Variants in OR51I2 observed in about 807,000 individuals in gnomAD.
OR51I2 encodes olfactory receptor family 51 subfamily I member 2.
Under a neutral mutation model 9.3 loss-of-function variants are expected in OR51I2, and 6 were observed. The ratio of observed to expected loss-of-function variants is 0.64; its 90% confidence interval spans 0.35 to 1.27. The LOEUF is 1.27. OR51I2 is among the 50% of genes most tolerant of loss of function. OR51I2 has a pLI of 0.03. For synonymous variants in OR51I2, 179 were observed against 143.1 expected (o/e 1.25, Z -1.79); for missense variants, 489 against 396.4 (o/e 1.23, Z -1.98).
chr11:5,455,789 G>T lies in OR51I2; in HGVS notation c.*1362G>T, dbSNP rs1850949451. 1 of 152,110 alleles carries T rather than the reference G, an allele frequency of 6.6e-6. No homozygotes were observed. Among genetic ancestry groups the T allele is most frequent in the African/African-American group, 2.4e-5 (1 of 41,420 alleles). The allele number at this position is 152,110 out of a possible 1,614,324, so 9.4% of individuals were successfully genotyped here. ...AAAGAGGGAGCTATTTTAAAAATGA[G>T]ATAATGTAAGTACTTGGGATTCAGA... On this transcript the variant is annotated 3_prime_UTR_variant, in exon 2 of 2. Transcript: ENST00000641930.
At chr11:5,451,545 G>T (rs1436609029) in intron 1 of OR51I2, among the ~76,000 whole-genome samples, 1 of 152,188 alleles carries the variant, frequency 6.6e-6, no homozygotes, top group Non-Finnish European at 1.5e-5. Context: ...GTACAACACG[G>T]AGGGACAGCC....
intron 1 of OR51I2, among the ~76,000 whole-genome samples, chr11:5,450,413 TAATG>T (rs889294842): frequency 5.9e-5 from 9 of 151,342 alleles, no homozygotes; most frequent in Non-Finnish European, 1.2e-4. Context: ...ATTAATTAAT[TAATG>T]AATAAAAATA....
At chr11:5,449,563 T>G (rs1255345824) in intron 1 of OR51I2, among the ~76,000 whole-genome samples, 199 bp downstream of exon 1, 1 of 152,222 alleles carries the variant, frequency 6.6e-6, no homozygotes, top group Non-Finnish European at 1.5e-5. Flanking sequence ...GGCACTGCCA[T>G]GTACTGATTG....
intron 1 of OR51I2, among the ~76,000 whole-genome samples, chr11:5,451,335 C>T (rs74049536): frequency 0.012 from 1,813 of 152,346 alleles, 40 homozygotes; most frequent in African/African-American, 0.041. Flanking sequence ...TCTCCCTTCT[C>T]TTTCTGTTAC....
rs1270331030 is a variant in OR51I2, at chr11:5,454,163, C to T, written c.675C>T (p.Val225=). 6.2e-7 allele frequency: 1 copy of T among 1,614,068 alleles called. No individual in the cohort carries two copies. Among genetic ancestry groups the T allele is most frequent in the East Asian group, 2.2e-5 (1 of 44,880 alleles). ...FLSYVLILRS[V]MATASREERL... ...CCTATGTGCTCATTCTGCGTTCTGT[C>T]ATGGCCACTGCTTCCCGTGAGGAAC... is the stretch of plus-strand genomic sequence containing the variant. Residue 225 remains valine, a synonymous_variant, in exon 2 of 2, where the codon GTC becomes GTT. Coordinates refer to ENST00000641930, the MANE Select transcript of OR51I2 (RefSeq NM_001004754.3).
In OR51I2 at chr11:5,454,384, T is replaced by C. The variant is rs1590004975; in HGVS notation, c.896T>C (p.Ile299Thr). 6.2e-7 allele frequency: 1 copy of C among 1,611,318 alleles called. No individual in the cohort carries two copies. ...ATTTATAGCGCCAAGACAAAGGAAA[T>C]CCGCCGAGCCATTTTCCGCATGTTT... ...PLIYSAKTKE[I>T]RRAIFRMFHH... is the part of the protein sequence containing the mutation. Residue 299 changes from isoleucine (I) to threonine (T), a missense_variant, in exon 2 of 2, where the codon ATC becomes ACC. Physicochemically the swap from Ile to Thr is moderately conservative, Grantham distance 89. Transcript: ENST00000641930.
chr11:5,453,648 A>G lies in OR51I2; in HGVS notation c.160A>G (p.Ser54Gly), dbSNP rs144341122. 8.2e-5 allele frequency: 132 copies of G among 1,613,516 alleles called. No homozygotes were observed. The African/African-American group carries it at 1.5e-3, about 18-fold the overall frequency. The change falls in exon 2 of 2, where the codon AGC (serine) becomes GGC (glycine). Residue 54 changes from serine to glycine, a missense_variant. By Grantham distance (56) the Ser-to-Gly change is moderately conservative. Coordinates refer to ENST00000641930, the MANE Select transcript of OR51I2 (RefSeq NM_001004754.3). ...CCTGCAGGCTGTGCGAGTGGAGCCC[A>G]GCCTCCATGAGCCCATGTACTACTT... ...VILQAVRVEP[S>G]LHEPMYYFLS...
rs1850887202 is a variant in OR51I2, at chr11:5,453,396, T to A, written c.-93T>A. ...GTCAACATCATCGCTTTGTCTCTTA[T>A]CTCCTGATTTCTTGTCCTCCAGCAA... On this transcript the variant is annotated 5_prime_UTR_variant, in exon 2 of 2. Transcript: ENST00000641930. The A allele has an allele frequency of 5.8e-6, 5 of 857,006 alleles. No homozygotes were observed. In the South Asian group the frequency reaches 6.4e-5, roughly 11 times the overall value. The allele number at this position is 857,006 out of a possible 1,614,324, so 53.1% of individuals were successfully genotyped here. A position where few individuals can be genotyped will look rare whatever the true frequency, so the allele number is the denominator to read the frequency against.
chr11:5,449,925 A>T (rs536024349), intron 1 of OR51I2, among the ~76,000 whole-genome samples: 27 of 152,326 alleles, frequency 1.8e-4, no homozygotes, highest in Non-Finnish European at 3.2e-4. Flanking sequence ...ATACAGATTG[A>T]AAACTGTGGT....
rs757961643 is a variant in OR51I2 at position 5,454,469 on chromosome 11, C to T, written c.*42C>T. 5 of 1,459,824 alleles carry T rather than the reference C, an allele frequency of 3.4e-6. No individual in the cohort carries two copies. The highest frequency in any genetic ancestry group is 1.2e-5 in the South Asian group (1 of 81,556). The allele number at this position is 1,459,824 out of a possible 1,614,324, so 90.4% of individuals were successfully genotyped here. Reference sequence around the variant, plus strand: ...TAGAATCTGTTATTTTGGCCATAGGCTCTCATCAGTAGCATCGTCATCATC... The same window carrying T: ...TAGAATCTGTTATTTTGGCCATAGGTTCTCATCAGTAGCATCGTCATCATC... On this transcript the variant is annotated 3_prime_UTR_variant, in exon 2 of 2. Coordinates refer to ENST00000641930, the MANE Select transcript of OR51I2 (RefSeq NM_001004754.3).
chr11:5,453,968 C>T lies in OR51I2; in HGVS notation c.480C>T (p.Pro160=). The change falls in exon 2 of 2, where the codon CCC becomes CCT. Residue 160 remains proline (P), a synonymous_variant. Transcript: ENST00000641930. ...GCTTCATCACCCTTTTCCCTCTTCC[C>T]TTTCTTATTAAGAGGCTGCCTATCT... is the stretch of plus-strand genomic sequence containing the variant. The part of the protein sequence containing the change: ...ARSFITLFPL[P]FLIKRLPICR... 6.2e-7 allele frequency: 1 copy of T among 1,614,096 alleles called. No individual in the cohort carries two copies. The highest frequency in any genetic ancestry group is 8.5e-7 in the Non-Finnish European group (1 of 1,180,012).
Position 5,454,519 on chromosome 11 carries a change from T to C in OR51I2, c.*92T>C, listed in dbSNP as rs1287264533. On this transcript the variant is annotated 3_prime_UTR_variant, in exon 2 of 2. Coordinates refer to ENST00000641930, the MANE Select transcript of OR51I2 (RefSeq NM_001004754.3). ...CATCATCAAAGTATAAGATAGATTG[T>C]GTGCTGCGGGAAAAGTAGGCCAGGA... The C allele has an allele frequency of 9.0e-7, 1 of 1,113,084 alleles. No individual in the cohort carries two copies. Among genetic ancestry groups the C allele is most frequent in the East Asian group, 2.4e-5 (1 of 42,250 alleles). The allele number at this position is 1,113,084 out of a possible 1,614,324, so 69.0% of individuals were successfully genotyped here.
chr11:5,452,243 G>A (rs111795123), intron 1 of OR51I2, among the ~76,000 whole-genome samples: 2,884 of 152,100 alleles, frequency 0.019, 94 homozygotes, highest in African/African-American at 0.065. Flanking sequence ...GGTGGCTCAC[G>A]CCTGTAATCC....
At chr11:5,449,541 G>A (rs992690313) in intron 1 of OR51I2, among the ~76,000 whole-genome samples, 177 bp downstream of exon 1, 15 of 152,130 alleles carry the variant, frequency 9.9e-5, no homozygotes, top group African/African-American at 3.4e-4. Flanking sequence ...CTGGACTTGG[G>A]GTTCTTGTTC....
chr11:5,453,740 C>T lies in OR51I2; in HGVS notation c.252C>T (p.Thr84=). The T allele has an allele frequency of 6.2e-7, 1 of 1,614,192 alleles. No individual in the cohort carries two copies. Among genetic ancestry groups the T allele is most frequent in the Non-Finnish European group, 8.5e-7 (1 of 1,180,028 alleles). Residue 84 remains threonine, a synonymous_variant, in exon 2 of 2, where the codon ACC becomes ACT. Transcript: ENST00000641930. ...SMATLPTVLR[T]FCLNARNITF... Reference sequence around the variant, plus strand: ...CCACACTGCCCACTGTACTCCGAACCTTCTGCCTCAATGCCCGCAACATCA... The same window carrying T: ...CCACACTGCCCACTGTACTCCGAACTTTCTGCCTCAATGCCCGCAACATCA...
chr11:5,455,585 AAG>A lies in OR51I2; in HGVS notation c.*1164_*1165del, dbSNP rs59290604. 5 of 131,216 alleles carry A rather than the reference AAG, an allele frequency of 3.8e-5. No homozygotes were observed. The highest frequency in any genetic ancestry group is 1.4e-4 in the African/African-American group (5 of 36,310). 8.1% of individuals were successfully genotyped at this position (131,216 alleles called of 1,614,324 possible). Reference sequence around the variant, plus strand: ...GGGGGGAGAGAGAGAGAGAAAGAGAAAGAGAGAAAGAGAAAAAGAGAAAGAGA... The same window carrying A: ...GGGGGGAGAGAGAGAGAGAAAGAGAAAGAGAAAGAGAAAAAGAGAAAGAGA... On this transcript the variant is annotated 3_prime_UTR_variant, in exon 2 of 2. Transcript: ENST00000641930.
rs757932622 is a variant in OR51I2, at chr11:5,454,387, G to A, written c.899G>A (p.Arg300His). The stretch of plus-strand genomic sequence containing the variant: ...TATAGCGCCAAGACAAAGGAAATCC[G>A]CCGAGCCATTTTCCGCATGTTTCAC... ...LIYSAKTKEI[R>H]RAIFRMFHHI... Residue 300 changes from arginine (R) to histidine (H), a missense_variant, in exon 2 of 2, where the codon CGC becomes CAC. Transcript: ENST00000641930. 124 of 1,610,442 alleles carry A rather than the reference G, an allele frequency of 7.7e-5. No individual in the cohort carries two copies. The highest frequency in any genetic ancestry group is 9.4e-5 in the Non-Finnish European group (111 of 1,179,802).
intron 1 of OR51I2, among the ~76,000 whole-genome samples, chr11:5,450,409 TAATTAATG>T (rs1335424890): frequency 3.9e-5 from 6 of 152,024 alleles, no homozygotes; most frequent in African/African-American, 1.2e-4. Context: ...ATGAATTAAT[TAATTAATG>T]AATAAAAATA....
At position 5,455,873 on chromosome 11, in the gene OR51I2, C is replaced by A. The variant is rs1850951750; in HGVS notation, c.*1446C>A. ...CACCAATAATATATGTGTCCTGGCC[C>A]ACTAAATAGATTGCTTTTAGAAGAA... On this transcript the variant is annotated 3_prime_UTR_variant, in exon 2 of 2. Transcript: ENST00000641930. 6.6e-6 allele frequency: 1 copy of A among 152,044 alleles called. No individual in the cohort carries two copies. Among genetic ancestry groups the A allele is most frequent in the Admixed American group, 6.5e-5 (1 of 15,268 alleles). The allele number at this position is 152,044 out of a possible 1,614,324, so 9.4% of individuals were successfully genotyped here. A position where few individuals can be genotyped will look rare whatever the true frequency, so the allele number is the denominator to read the frequency against.
Sources: allele counts gnomAD v4.1 joint callset (sites outside exome capture counted in the v4.1 genomes callset), GRCh38; gene constraint gnomAD v4.1.1; transcripts MANE v1.5; gene names NCBI Gene and HGNC (gene_info 2026-07-23, HGNC 2026-07-21).